Variants in UNC13C observed in about 807,000 individuals in gnomAD.
The protein encoded by UNC13C is protein unc-13 homolog C.
In UNC13C, 174 loss-of-function variants were observed where a neutral mutation model predicts 245.4. The observed-to-expected ratio is 0.71, with a 90% CI of 0.63 to 0.80. UNC13C has a LOEUF of 0.80. Ranked by LOEUF, UNC13C falls within the 30% of genes least tolerant of loss-of-function variation. The pLI, the probability that UNC13C is intolerant of heterozygous loss-of-function variation, is 0.00. For synonymous variants in UNC13C, 992 were observed against 895.1 expected (o/e 1.11, Z -1.93); for missense variants, 2,829 against 2,602.9 (o/e 1.09, Z -1.89).
intron 19 of UNC13C, among the ~76,000 whole-genome samples, chr15:54,494,008 A>G (rs1455550882): frequency 6.6e-6 from 1 of 152,156 alleles, no homozygotes; most frequent in Non-Finnish European, 1.5e-5. Flanking sequence ...CATGTGCCTC[A>G]TAAGTTAGAG....
intron 11 of UNC13C, among the ~76,000 whole-genome samples, chr15:54,296,057 G>A: frequency 6.6e-6 from 1 of 152,144 alleles, no homozygotes; most frequent in East Asian, 1.9e-4. Flanking sequence ...AGCAGAGCCT[G>A]CTTCCCAAAG....
At chr15:54,472,547 CAG>C (rs1283584858) in intron 19 of UNC13C, among the ~76,000 whole-genome samples, 2 of 151,754 alleles carry the variant, frequency 1.3e-5, no homozygotes, top group African/African-American at 4.8e-5. Flanking sequence ...TCTTCAAAGG[CAG>C]GTCTAATGCA....
chr15:54,100,241 AAT>A (rs1326197561), intron 2 of UNC13C, among the ~76,000 whole-genome samples: 2 of 151,922 alleles, frequency 1.3e-5, no homozygotes, highest in African/African-American at 4.8e-5. Context: ...TTCTCCTTTA[AAT>A]TTACTTCTTT....
At chr15:53,984,569 T>A (rs1365258292) in intron 1 of UNC13C, among the ~76,000 whole-genome samples, 2 of 152,154 alleles carry the variant, frequency 1.3e-5, no homozygotes, top group Non-Finnish European at 2.9e-5. Flanking sequence ...AGACCATTGC[T>A]TCACAGAGTT....
intron 30 of UNC13C, among the ~76,000 whole-genome samples, chr15:54,613,536 A>G (rs1224163260): frequency 6.6e-6 from 1 of 151,990 alleles, no homozygotes; most frequent in Non-Finnish European, 1.5e-5. Flanking sequence ...TTCAAATATT[A>G]ACGAATAAAT....
At chr15:53,995,530 T>G (rs900501990) in intron 1 of UNC13C, among the ~76,000 whole-genome samples, 1 of 149,126 alleles carries the variant, frequency 6.7e-6, no homozygotes, top group African/African-American at 2.5e-5. Flanking sequence ...CTTGACTGCT[T>G]AAGTAAAAAC....
chr15:54,522,837 GC>G (rs1301336274), intron 24 of UNC13C, among the ~76,000 whole-genome samples: 5 of 152,088 alleles, frequency 3.3e-5, no homozygotes, highest in African/African-American at 1.2e-4. Flanking sequence ...TCATACACAT[GC>G]TAATTGAGTT....
intron 17 of UNC13C, 30 bp downstream of exon 17, chr15:54,338,519 G>T (rs372372217): frequency 2.5e-6 from 4 of 1,603,056 alleles, no homozygotes; most frequent in Non-Finnish European, 3.4e-6. Context: ...TTTTATAATC[G>T]CCACTTTTGT....
chr15:54,119,333 AT>A (rs78527103), intron 2 of UNC13C, among the ~76,000 whole-genome samples: 51,844 of 151,834 alleles, frequency 0.34, 10,904 homozygotes, highest in Non-Finnish European at 0.47. Flanking sequence ...AAATATTTTA[AT>A]TTTTTTCATG....
chr15:54,188,420 T>A (rs2034069009), intron 4 of UNC13C, among the ~76,000 whole-genome samples: 1 of 152,172 alleles, frequency 6.6e-6, no homozygotes, highest in Admixed American at 6.5e-5. Context: ...TTATTTTCTA[T>A]ATGTATAATT....
intron 7 of UNC13C, among the ~76,000 whole-genome samples, chr15:54,245,512 C>T (rs1012589782): frequency 7.2e-5 from 11 of 152,094 alleles, no homozygotes; most frequent in African/African-American, 2.7e-4. Flanking sequence ...ACAAAAAAAT[C>T]ACCTGAATAA....
chr15:54,480,697 G>C (rs1017185865), intron 19 of UNC13C, among the ~76,000 whole-genome samples: 1 of 151,934 alleles, frequency 6.6e-6, no homozygotes, highest in Non-Finnish European at 1.5e-5. Flanking sequence ...TAATTTTTAA[G>C]TATTTCATAT....
chr15:53,866,914 C>T, the UNC13C span, among the ~76,000 whole-genome samples: 1 of 152,116 alleles, frequency 6.6e-6, no homozygotes, highest in South Asian at 2.1e-4. Flanking sequence ...CACACTATGC[C>T]ATATTTCAGA....
intron 19 of UNC13C, among the ~76,000 whole-genome samples, chr15:54,474,087 A>G (rs1892601361): frequency 6.6e-6 from 1 of 152,034 alleles, no homozygotes; most frequent in Non-Finnish European, 1.5e-5. Flanking sequence ...ATGAAAACTT[A>G]TCTTGGCTAT....
At chr15:54,101,733 G>A (rs909730801) in intron 2 of UNC13C, among the ~76,000 whole-genome samples, 16 of 151,830 alleles carry the variant, frequency 1.1e-4, no homozygotes, top group East Asian at 3.9e-4. Context: ...GGCAAGGCAC[G>A]CACCACCGCA....
chr15:54,251,519 A>C (rs562212921), intron 8 of UNC13C, among the ~76,000 whole-genome samples: 2 of 152,154 alleles, frequency 1.3e-5, no homozygotes, highest in Non-Finnish European at 2.9e-5. Flanking sequence ...ATGACAAGTT[A>C]CCTTAAATTT....
intron 13 of UNC13C, among the ~76,000 whole-genome samples, chr15:54,300,967 T>C (rs1037113422): frequency 6.8e-6 from 1 of 148,118 alleles, no homozygotes; most frequent in Non-Finnish European, 1.5e-5. Flanking sequence ...GTATAAAAAA[T>C]GTGATACCAC....
intron 17 of UNC13C, among the ~76,000 whole-genome samples, chr15:54,385,461 A>G (rs1232476054): frequency 2.6e-5 from 4 of 152,112 alleles, no homozygotes; most frequent in Non-Finnish European, 5.9e-5. Flanking sequence ...CAAATACCAC[A>G]TATTCTCATT....
chr15:53,868,448 GTGGAGGTGAATGCTGGGTC>G, the UNC13C span, among the ~76,000 whole-genome samples: 1 of 152,184 alleles, frequency 6.6e-6, no homozygotes, highest in Admixed American at 6.5e-5. Context: ...TTTGCTGGAT[GTGGAGGTGAATGCTGGGTC>G]AATACTGACT....
Sources: allele counts gnomAD v4.1 joint callset (sites outside exome capture counted in the v4.1 genomes callset), GRCh38; gene constraint gnomAD v4.1.1; transcripts MANE v1.5; gene names NCBI Gene and HGNC (gene_info 2026-07-23, HGNC 2026-07-21).